The following GLB1 variants were observed in gnomAD, a reference collection of about 807,000 sequenced individuals.
GLB1 encodes the protein galactosidase beta 1.
Under a neutral mutation model 74.0 loss-of-function variants are expected in GLB1, and 56 were observed. The observed-to-expected ratio is 0.76, with a 90% confidence interval of 0.61 to 0.94. GLB1 has a LOEUF of 0.94. GLB1 is among the 40% of genes least tolerant of loss of function. The pLI is 0.00. For missense variants in GLB1, 787 were observed against 845.5 expected (o/e 0.93, Z 0.86); for synonymous variants, 323 against 323.6 (o/e 1.00, Z 0.02).
chr3:33,042,011 G>C (rs1461551765), intron 10 of GLB1, among the ~76,000 whole-genome samples: 1 of 150,886 alleles, frequency 6.6e-6, no homozygotes, highest in Admixed American at 6.6e-5. Context: ...AAACACTTTA[G>C]AGTCACCCGA....
chr3:33,014,217 C>T lies in GLB1; in HGVS notation c.1573G>A (p.Gly525Arg), dbSNP rs368610739. 14 of 1,614,042 alleles carry T rather than the reference C, an allele frequency of 8.7e-6. No individual in the cohort carries two copies. In the South Asian group the frequency reaches 1.2e-4, roughly 14 times the overall value. ...DTEDAVCSHL[G>R]GWGHRDSGHH... is the part of the protein sequence containing the mutation. ...CCACTGTCACGGTGTCCCCAGCCCC[C>T]CAGGTGGCTGCACACTGCATCCTCA... The change falls in exon 15 of 16, where the codon GGG becomes AGG. Residue 525 changes from glycine to arginine, a missense_variant. Gly to Arg is a moderately radical substitution (Grantham distance 125). Coordinates refer to ENST00000307363, the MANE Select transcript of GLB1 (RefSeq NM_000404.4).
In GLB1 at chr3:33,046,157, G is replaced by A; in HGVS notation, c.1031C>T (p.Thr344Ile). 1 of 1,613,804 alleles carries A rather than the reference G, an allele frequency of 6.2e-7. No individual in the cohort carries two copies. Among genetic ancestry groups the A allele is most frequent in the Non-Finnish European group, 8.5e-7 (1 of 1,179,992 alleles). ...GTTTCGCAGAGCAAAATACTTCTCA[G>A]TGAGGTCCCCAGCCTCACTCAGTGG... ...DAPLSEAGDL[T>I]EKYFALRNII... The change falls in exon 10 of 16, where the codon ACT (threonine) becomes ATT (isoleucine). Residue 344 changes from threonine to isoleucine, a missense_variant. Thr to Ile is a moderately conservative substitution (Grantham distance 89, BLOSUM62 -1). Transcript: ENST00000307363.
At position 33,093,979 on chromosome 3, in the gene GLB1, G is replaced by C. The variant is rs1216373025; in HGVS notation, c.75+3032C>G. 6.2e-7 allele frequency: 1 copy of C among 1,614,178 alleles called. No homozygotes were observed. The highest frequency in any genetic ancestry group is 2.2e-5 in the East Asian group (1 of 44,882). ...CAGGTTGACTCTGCAGCTGGGGAGT[G>C]GCAGAGGTTGCTCACTGTGCTGCGC... On this transcript the variant is annotated intron_variant, in intron 1 of 15. Coordinates refer to ENST00000307363, the MANE Select transcript of GLB1 (RefSeq NM_000404.4). The surrounding 1 kb of genome is among the most constrained non-coding windows in gnomAD (Gnocchi z 6.0).
chr3:33,058,188 C>T lies in GLB1; in HGVS notation c.634G>A (p.Gly212Arg), dbSNP rs772155434. The stretch of plus-strand genomic sequence containing the variant: ...GTGGTAAACAGAACCACATCATCCC[C>T]CAGATGGTGGCGAAAGCGCTTCTGC... ...FLQKRFRHHL[G>R]DDVVLFTTDG... is the part of the protein sequence containing the mutation. The change falls in exon 6 of 16, where the codon GGG (glycine) becomes AGG (arginine). Residue 212 changes from glycine (G) to arginine (R), a missense_variant. Transcript: ENST00000307363. 26 of 1,614,154 alleles carry T rather than the reference C, an allele frequency of 1.6e-5. No individual in the cohort carries two copies. The highest frequency in any genetic ancestry group is 2.2e-5 in the Non-Finnish European group (26 of 1,180,028).
intron 5 of GLB1, among the ~76,000 whole-genome samples, chr3:33,064,491 T>C (rs1398034804): frequency 1.4e-5 from 2 of 144,324 alleles, no homozygotes; most frequent in Non-Finnish European, 3.0e-5. Context: ...GCATCCTTGG[T>C]CATAGCCGGG....
intron 10 of GLB1, among the ~76,000 whole-genome samples, chr3:33,043,091 G>A (rs1385258249): frequency 6.6e-6 from 1 of 152,148 alleles, no homozygotes; most frequent in Non-Finnish European, 1.5e-5. Context: ...CAAATCAAGA[G>A]GGCTGTAATT....
Position 33,068,813 on chromosome 3 carries a change from C to T in GLB1, c.396+7G>A, listed in dbSNP as rs774908964. ...CACCAGGTAGAGCCCAGTCTAGCCA[C>T]ACTCACCATTTCCCACTCTGCACAG... On this transcript the variant is annotated splice_region_variant and intron_variant, in intron 3 of 15. Transcript: ENST00000307363. The T allele has an allele frequency of 1.2e-6, 2 of 1,613,698 alleles. No individual in the cohort carries two copies. The highest frequency in any genetic ancestry group is 1.7e-5 in the Admixed American group (1 of 60,006).
intron 10 of GLB1, chr3:33,034,560 T>C: frequency 1.4e-6 from 1 of 723,206 alleles, no homozygotes; most frequent in South Asian, 1.5e-5. Context: ...GATGGTCGTG[T>C]GTTCATCTGG....
At chr3:33,007,022 T>C (rs73828910) in intron 15 of GLB1, among the ~76,000 whole-genome samples, 10,909 of 152,266 alleles carry the variant, frequency 0.072, 475 homozygotes, top group African/African-American at 0.11. Flanking sequence ...GGGAGTGGGA[T>C]CTGCCTGTTC....
intron 2 of GLB1, among the ~76,000 whole-genome samples, chr3:33,072,209 A>C (rs984310990): frequency 2.0e-5 from 3 of 152,152 alleles, no homozygotes; most frequent in Non-Finnish European, 4.4e-5. Flanking sequence ...AAACAGGAAC[A>C]ATAATACCTA....
chr3:33,035,361 G>A (rs886161438), intron 10 of GLB1, among the ~76,000 whole-genome samples: 1 of 151,968 alleles, frequency 6.6e-6, no homozygotes, highest in Non-Finnish European at 1.5e-5. Context: ...GAGTCCAGGG[G>A]TTTGAAGCTG....
Position 33,074,346 on chromosome 3 carries a change from AAGGAAGGAAG to A in GLB1, c.76-1643_76-1634del, listed in dbSNP as rs1559412764. On this transcript the variant is annotated intron_variant, in intron 1 of 15. Coordinates refer to ENST00000307363, the MANE Select transcript of GLB1 (RefSeq NM_000404.4). The stretch of plus-strand genomic sequence containing the variant: ...GAAAGAAGGAAGGAAGGAAGGAAGG[AAGGAAGGAAG>A]GAAGGAAGGAAGGAAGGAAGGAAGG... 3.8e-4 allele frequency among the ~76,000 whole-genome samples: 28 copies of A among 74,508 alleles called. 9 individuals carry two copies. Among genetic ancestry groups the A allele is most frequent in the Non-Finnish European group, 4.9e-4 (17 of 34,938 alleles). 48.9% of individuals were successfully genotyped at this position (74,508 alleles called of 152,430 possible).
rs921122498 is a variant in GLB1, at chr3:32,997,409, G to T, written c.1735-65C>A. The T allele has an allele frequency of 4.4e-6, 7 of 1,601,700 alleles. No individual in the cohort carries two copies. The Admixed American group carries it at 1.2e-4, about 28-fold the overall frequency. On this transcript the variant is annotated intron_variant, in intron 15 of 15. Transcript: ENST00000307363. ...ACCGAAAGCCCTGAGGAAGGTGGGG[G>T]CCCTGATGTAGGGCAGGCCAGCAGC... is the stretch of plus-strand genomic sequence containing the variant.
chr3:32,971,433 T>C, the GLB1 span, among the ~76,000 whole-genome samples: 1 of 152,326 alleles, frequency 6.6e-6, no homozygotes, highest in Admixed American at 6.5e-5. Context: ...AAAACTTATT[T>C]GCTCAGCTAG....
the GLB1 span, among the ~76,000 whole-genome samples, chr3:32,973,313 T>C: frequency 2.0e-5 from 3 of 152,118 alleles, no homozygotes; most frequent in Non-Finnish European, 4.4e-5. Flanking sequence ...TGTGTATATA[T>C]ATATTTGGTT....
intron 1 of GLB1, among the ~76,000 whole-genome samples, chr3:33,083,457 G>A (rs1011813818): frequency 1.3e-5 from 2 of 151,086 alleles, no homozygotes; most frequent in Non-Finnish European, 2.9e-5. Flanking sequence ...AGGAGACAGA[G>A]AGAGAGAAAA....
chr3:33,030,741 C>T, intron 10 of GLB1: 1 of 985,424 alleles, frequency 1.0e-6, no homozygotes, highest in Admixed American at 6.1e-5. Flanking sequence ...AAGGTCCTCA[C>T]TACCACTTGA....
chr3:33,001,134 CCTT>C (rs966438009), intron 15 of GLB1, among the ~76,000 whole-genome samples: 10 of 151,976 alleles, frequency 6.6e-5, no homozygotes, highest in East Asian at 1.9e-4. Context: ...TCTTTCTTCT[CCTT>C]CTTGTTCTTC....
chr3:32,998,482 CT>C (rs1334095765), intron 15 of GLB1, among the ~76,000 whole-genome samples: 2 of 150,206 alleles, frequency 1.3e-5, no homozygotes, highest in African/African-American at 4.9e-5. Flanking sequence ...GCACTCTAGC[CT>C]TGCGCAGTGA....
Sources: gnomAD v4.1 joint callset for allele counts (sites outside exome capture counted in the v4.1 genomes callset) on GRCh38, gnomAD v4.1.1 for gene constraint, Gnocchi (gnomAD v3.1) non-coding constraint, MANE v1.5 for transcripts, NCBI Gene and HGNC (gene_info 2026-07-23, HGNC 2026-07-21) for gene names.